The following MYO1A variants were observed in gnomAD, a reference collection of about 807,000 sequenced individuals.
The protein encoded by MYO1A is unconventional myosin-Ia.
MYO1A carries 127 observed loss-of-function variants against 138.5 expected under a neutral mutation model. The ratio of observed to expected loss-of-function variants is 0.92; its 90% CI spans 0.79 to 1.06. The LOEUF is 1.06. MYO1A is among the 50% of genes least tolerant of loss of function. The probability of loss-of-function intolerance (pLI) is 0.00; values close to 1 mark genes in which losing one functional copy is unlikely to be tolerated. For missense variants in MYO1A, 1,211 were observed against 1,288.8 expected (o/e 0.94, Z 0.92); for synonymous variants, 477 against 497.5 (o/e 0.96, Z 0.55).
rs377026960 is a variant in MYO1A, at chr12:57,046,545, C to G, written c.640+7G>C. 1.2e-6 allele frequency: 2 copies of G among 1,611,164 alleles called. No homozygotes were observed. The highest frequency in any genetic ancestry group is 1.3e-5 in the African/African-American group (1 of 74,834). ...CATGAGGACACTTTCCCCATGCAGG[C>G]ACATACTCAGCAGCTGTTCATCTGC... On this transcript the variant is annotated splice_region_variant and intron_variant, in intron 8 of 27. Transcript: ENST00000300119.
chr12:57,043,347 T>A lies in MYO1A; in HGVS notation c.904A>T (p.Ile302Phe), dbSNP rs2030949018. Reference protein sequence around the residue: ...GIRDGRGVREIGEMVGLNSEE... With the variant: ...GIRDGRGVREFGEMVGLNSEE... ...GAATTCAAGCCCACCATCTCCCCAATCTCCCGAACACCTGGGATAATGAGA... is the reference window on the plus strand; with the variant it reads ...GAATTCAAGCCCACCATCTCCCCAAACTCCCGAACACCTGGGATAATGAGA... Residue 302 changes from isoleucine (I) to phenylalanine (F), a missense_variant, in exon 11 of 28, where the codon ATT becomes TTT. Transcript: ENST00000300119. 6.2e-7 allele frequency: 1 copy of A among 1,613,946 alleles called. No individual in the cohort carries two copies. Among genetic ancestry groups the A allele is most frequent in the Non-Finnish European group, 8.5e-7 (1 of 1,179,922 alleles).
chr12:57,038,750 C>G (rs1310861486), intron 16 of MYO1A, 59 bp downstream of exon 16: 1 of 1,611,044 alleles, frequency 6.2e-7, no homozygotes, highest in African/African-American at 1.3e-5. Context: ...GGTTCCTCCC[C>G]CATTGACTTC....
chr12:57,037,048 A>G lies in MYO1A; in HGVS notation c.2099T>C (p.Leu700Pro), dbSNP rs377061006. The change falls in exon 20 of 28, where the codon CTG (leucine) becomes CCG (proline). Residue 700 changes from leucine to proline, a missense_variant. Physicochemically the swap from Leu to Pro is moderately conservative, Grantham distance 98 (BLOSUM62 -3). Coordinates refer to ENST00000300119, the MANE Select transcript of MYO1A (RefSeq NM_005379.4). ...GTAAATCTTCTGTATGAGTGTGGCC[A>G]GCTGCTGGAGTCTCAGGCGCCTCTG... ...EEQRRLRLQQ[L>P]ATLIQKIYRG... The G allele has an allele frequency of 5.7e-5, 92 of 1,614,058 alleles. No individual in the cohort carries two copies. The highest frequency in any genetic ancestry group is 7.5e-5 in the Non-Finnish European group (89 of 1,180,026).
chr12:57,043,451 G>A, intron 10 of MYO1A, 93 bp from the exon 11 acceptor site: 2 of 1,173,608 alleles, frequency 1.7e-6, no homozygotes, highest in Non-Finnish European at 2.5e-6. Context: ...CTGAGACACT[G>A]GTGTCCTGGG....
At position 57,043,135 on chromosome 12, in the gene MYO1A, C is replaced by G; in HGVS notation, c.1035G>C (p.Leu345=). Residue 345 remains leucine (L), a synonymous_variant, in exon 12 of 28, where the codon CTG becomes CTC. Transcript: ENST00000300119. ...AGAGGCGGCTGTAGATGTTCTTAGCCAGGGCGTCCCGAGCATACTGAGCCT... is the reference window on the plus strand; with the variant it reads ...AGAGGCGGCTGTAGATGTTCTTAGCGAGGGCGTCCCGAGCATACTGAGCCT... ...VMQAQYARDA[L]AKNIYSRLFD... 1 of 1,614,166 alleles carries G rather than the reference C, an allele frequency of 6.2e-7. No homozygotes were observed. Among genetic ancestry groups the G allele is most frequent in the South Asian group, 1.1e-5 (1 of 91,080 alleles).
chr12:57,032,063 C>T (rs73334784), intron 22 of MYO1A, among the ~76,000 whole-genome samples: 4,095 of 152,284 alleles, frequency 0.027, 190 homozygotes, highest in African/African-American at 0.093. Context: ...CCTTAGCTCT[C>T]GATGCTCTCT....
chr12:57,036,510 T>A, intron 21 of MYO1A, 129 bp from the exon 22 acceptor site: 1 of 1,073,236 alleles, frequency 9.3e-7, no homozygotes, highest in Non-Finnish European at 1.4e-6. Context: ...AAGTTGGAAG[T>A]AAAATCAGAC....
rs1482213849 is a variant in MYO1A at position 57,038,597 on chromosome 12, G to C, written c.1575C>G (p.Asp525Glu). The C allele has an allele frequency of 6.2e-7, 1 of 1,614,188 alleles. No individual in the cohort carries two copies. Among genetic ancestry groups the C allele is most frequent in the Admixed American group, 1.7e-5 (1 of 60,018 alleles). ...NVTSFIDKNNDLLFRDLLQAM... is the reference protein window; with the variant it reads ...NVTSFIDKNNELLFRDLLQAM... ...CCTGCAACAGGTCTCGGAAGAGTAG[G>C]TCATTATTCTTGTCAATAAAGCTGG... The change falls in exon 17 of 28, where the codon GAC (aspartate) becomes GAG (glutamate). Residue 525 changes from aspartate to glutamate, a missense_variant. By Grantham distance (45) the Asp-to-Glu change is conservative. Coordinates refer to ENST00000300119, the MANE Select transcript of MYO1A (RefSeq NM_005379.4).
intron 15 of MYO1A, 98 bp downstream of exon 15, chr12:57,039,114 C>T (rs2030740320): frequency 1.9e-6 from 3 of 1,555,084 alleles, no homozygotes; most frequent in Non-Finnish European, 2.7e-6. Flanking sequence ...GCCCTCTTTA[C>T]TGTCCCTACC....
At chr12:57,043,739 G>T in intron 10 of MYO1A, 117 bp downstream of exon 10, 1 of 1,340,990 alleles carries the variant, frequency 7.5e-7, no homozygotes. Context: ...ACTCAGGAGT[G>T]GGCTGAGTGG....
At chr12:57,042,587 C>A (rs2030905015) in intron 12 of MYO1A, among the ~76,000 whole-genome samples, 1 of 152,106 alleles carries the variant, frequency 6.6e-6, no homozygotes, top group South Asian at 2.1e-4. Context: ...GGTAGGAATG[C>A]ATTAGTGTTT....
rs1441174800 is a variant in MYO1A at position 57,048,308 on chromosome 12, C to T, written c.16G>A (p.Gly6Ser). The change falls in exon 2 of 28, where the codon GGT becomes AGT. Residue 6 changes from glycine (G) to serine (S), a missense_variant. By Grantham distance (56) the Gly-to-Ser change is moderately conservative. Transcript: ENST00000300119. The part of the protein sequence containing the change: MPLLE[G>S]SVGVEDLVLL... ...ACAAGATCCTCCACCCCCACAGAAC[C>T]TTCCAGGAGAGGCATGTCCAGAGGG... is the stretch of plus-strand genomic sequence containing the variant. 6.2e-7 allele frequency: 1 copy of T among 1,613,916 alleles called. No homozygotes were observed. Among genetic ancestry groups the T allele is most frequent in the African/African-American group, 1.3e-5 (1 of 74,948 alleles).
Position 57,041,240 on chromosome 12 carries a change from G to T in MYO1A, c.1213C>A (p.Gln405Lys), listed in dbSNP as rs777627938. Residue 405 changes from glutamine (Q) to lysine (K), a missense_variant, in exon 14 of 28, where the codon CAG (glutamine) becomes AAG (lysine). By Grantham distance (53) the Gln-to-Lys change is moderately conservative. Transcript: ENST00000300119. ...FVINYCNEKL[Q>K]QVFIEMTLKE... Reference sequence around the variant, plus strand: ...AGGGTCATCTCTATGAACACCTGCTGCAGCTTCTCATTGCAGTAGTTGATC... The same window carrying T: ...AGGGTCATCTCTATGAACACCTGCTTCAGCTTCTCATTGCAGTAGTTGATC... 35 of 1,613,946 alleles carry T rather than the reference G, an allele frequency of 2.2e-5. 1 individual carries two copies. In the Admixed American group the frequency reaches 4.5e-4, roughly 21 times the overall value.
rs1355268907 is a variant in MYO1A, at chr12:57,043,077, T to C, written c.1093A>G (p.Ile365Val). Reference protein sequence around the residue: ...DWIVNRINESIKVGIGEKKKV... With the variant: ...DWIVNRINESVKVGIGEKKKV... ...AAAGCAGAGCGGCCACTTGCCTTGA[T>C]GCTCTCATTGATTCGATTCACTATC... Residue 365 changes from isoleucine to valine, a missense_variant, in exon 12 of 28, where the codon ATC becomes GTC. Physicochemically the swap from Ile to Val is conservative, Grantham distance 29. Coordinates refer to ENST00000300119, the MANE Select transcript of MYO1A (RefSeq NM_005379.4). 6.2e-7 allele frequency: 1 copy of C among 1,614,168 alleles called. No homozygotes were observed.
Position 57,047,812 on chromosome 12 carries a change from T to C in MYO1A, c.231-91A>G, listed in dbSNP as rs1592485349. 1.4e-5 allele frequency: 22 copies of C among 1,575,654 alleles called. No homozygotes were observed. The East Asian group carries it at 3.8e-4, about 27-fold the overall frequency. ...CTCCAGCACGCAGGTTCATCCACTC[T>C]CTCTACTTGGAGCAGACTGGGCAAG... On this transcript the variant is annotated intron_variant, in intron 3 of 27. Transcript: ENST00000300119.
At position 57,036,356 on chromosome 12, in the gene MYO1A, A is replaced by G. The variant is rs1449282555; in HGVS notation, c.2300T>C (p.Phe767Ser). The G allele has an allele frequency of 6.2e-7, 1 of 1,613,926 alleles. No homozygotes were observed. Among genetic ancestry groups the G allele is most frequent in the Admixed American group, 1.7e-5 (1 of 60,010 alleles). ...WKARKNYRKY[F>S]RSEAALTLAD... ...CAAGGTGAGGGCAGCCTCTGACCGGAAATATTTGCGATAATTCTTTCGGGC... is the reference window on the plus strand; with the variant it reads ...CAAGGTGAGGGCAGCCTCTGACCGGGAATATTTGCGATAATTCTTTCGGGC... The change falls in exon 22 of 28, where the codon TTC (phenylalanine) becomes TCC (serine). Residue 767 changes from phenylalanine (F) to serine (S), a missense_variant. By Grantham distance (155) the Phe-to-Ser change is radical. Transcript: ENST00000300119.
At chr12:57,046,417 G>A in intron 8 of MYO1A, 135 bp downstream of exon 8, 1 of 743,974 alleles carries the variant, frequency 1.3e-6, no homozygotes, top group South Asian at 1.4e-5. Flanking sequence ...GGGAAATGCA[G>A]CAAGGAAAAT....
intron 27 of MYO1A, 33 bp downstream of exon 27, chr12:57,029,099 A>G: frequency 6.2e-7 from 1 of 1,613,800 alleles, no homozygotes; most frequent in South Asian, 1.1e-5. Flanking sequence ...CATCTACCGT[A>G]AGCCGCCCCT....
chr12:57,037,191 A>T (rs2030599324), intron 19 of MYO1A, 100 bp from the exon 20 acceptor site: 2 of 1,404,666 alleles, frequency 1.4e-6, no homozygotes, highest in African/African-American at 1.4e-5. Flanking sequence ...GCCAGGCCTT[A>T]TTTGATCATT....
Sources: gnomAD v4.1 joint callset for allele counts (sites outside exome capture counted in the v4.1 genomes callset) on GRCh38, gnomAD v4.1.1 for gene constraint, MANE v1.5 for transcripts, NCBI Gene and HGNC (gene_info 2026-07-23, HGNC 2026-07-21) for gene names.